Variants in UBR3 observed in about 807,000 individuals in gnomAD.
UBR3 encodes the protein ubiquitin protein ligase E3 component n-recognin 3, also known as E3 ubiquitin-protein ligase UBR3.
UBR3 carries 85 observed loss-of-function variants against 243.2 expected under a neutral mutation model. That is an observed-to-expected ratio of 0.35 (90% CI 0.29 to 0.42). UBR3 has a LOEUF of 0.42. UBR3 is among the 10% of genes least tolerant of loss of function. UBR3 has a pLI of 1.00. For synonymous variants in UBR3, 748 were observed against 799.8 expected (o/e 0.94, Z 1.09); for missense variants, 1,686 against 2,300.8 (o/e 0.73, Z 5.47).
At chr2:169,838,052 C>T (rs1432029388) in intron 1 of UBR3, among the ~76,000 whole-genome samples, 1 of 152,142 alleles carries the variant, frequency 6.6e-6, no homozygotes, top group African/African-American at 2.4e-5. Context: ...GGGTTTTTGG[C>T]TGTTCTTGGT....
At chr2:170,035,912 G>GCA (rs556755707) in intron 31 of UBR3, among the ~76,000 whole-genome samples, 7,202 of 137,026 alleles carry the variant, frequency 0.053, 404 homozygotes, top group Non-Finnish European at 0.079. Flanking sequence ...TATTTTATTG[G>GCA]GGGGGGGGTT....
intron 19 of UBR3, among the ~76,000 whole-genome samples, chr2:169,935,815 T>G (rs2086305460): frequency 6.6e-6 from 1 of 152,224 alleles, no homozygotes; most frequent in Non-Finnish European, 1.5e-5. Context: ...AATGATGTAT[T>G]ACTTGGGCCT....
chr2:169,989,462 A>G (rs1461996634), intron 25 of UBR3, among the ~76,000 whole-genome samples: 2 of 152,176 alleles, frequency 1.3e-5, no homozygotes, highest in Non-Finnish European at 2.9e-5. Flanking sequence ...TGTGATGTTT[A>G]ACATATTCCT....
chr2:169,887,259 T>A (rs1225648369), intron 5 of UBR3, among the ~76,000 whole-genome samples: 1 of 152,216 alleles, frequency 6.6e-6, no homozygotes, highest in Non-Finnish European at 1.5e-5. Flanking sequence ...GCTCAGGGTC[T>A]ATTTAAGGTC....
In UBR3 at chr2:169,887,046, T is replaced by C. The variant is rs115910185; in HGVS notation, c.1039-4119T>C. On this transcript the variant is annotated intron_variant, in intron 5 of 38. Transcript: ENST00000272793. ...AGCTCACATTTATGAAAAAATGTGA[T>C]GAAAACTGTCTAGAAAATCCATCAA... 9.6e-3 allele frequency among the ~76,000 whole-genome samples: 1,461 copies of C among 152,316 alleles called. 25 individuals are homozygous for C. The highest frequency in any genetic ancestry group is 0.032 in the African/African-American group (1,346 of 41,562).
At chr2:169,905,465 G>A (rs1037392970) in intron 9 of UBR3, among the ~76,000 whole-genome samples, 172 bp downstream of exon 9, 1 of 152,146 alleles carries the variant, frequency 6.6e-6, no homozygotes, top group African/African-American at 2.4e-5. Flanking sequence ...ACATACCAAG[G>A]AGTTAGGAAA....
chr2:170,031,430 C>T (rs929703943), intron 31 of UBR3, among the ~76,000 whole-genome samples: 3 of 152,000 alleles, frequency 2.0e-5, no homozygotes, highest in Admixed American at 6.6e-5. Context: ...CAGTTAAACA[C>T]GCCTTCCTCT....
At chr2:169,960,420 G>A (rs1003055409) in intron 24 of UBR3, among the ~76,000 whole-genome samples, 5 of 151,444 alleles carry the variant, frequency 3.3e-5, no homozygotes, top group South Asian at 2.1e-4. Context: ...GGTCCCAAGC[G>A]TTTCAGATAA....
intron 1 of UBR3, among the ~76,000 whole-genome samples, chr2:169,831,131 T>G (rs77741598): frequency 5.5e-5 from 2 of 36,644 alleles, no homozygotes; most frequent in African/African-American, 2.8e-4. Context: ...ATATATATTT[T>G]TTTTTTTTTT....
chr2:169,890,585 A>ATATATG (rs1553504600), intron 5 of UBR3, among the ~76,000 whole-genome samples: 2 of 107,530 alleles, frequency 1.9e-5, no homozygotes, highest in African/African-American at 7.2e-5. Flanking sequence ...ATATATGTAT[A>ATATATG]TATATATGTA....
In UBR3 at chr2:169,896,511, C is replaced by T; in HGVS notation, c.1241C>T (p.Ala414Val). The T allele has an allele frequency of 2.6e-6, 4 of 1,517,954 alleles. No individual in the cohort carries two copies. Among genetic ancestry groups the T allele is most frequent in the Non-Finnish European group, 3.5e-6 (4 of 1,128,260 alleles). The allele number at this position is 1,517,954 out of a possible 1,614,324, so 94.0% of individuals were successfully genotyped here. ...NMLPDQEYKV[A>V]FTKTFVQHYA... ...TTTCTATTAAAATGTTTACAGGTTG[C>T]TTTTACAAAAACTTTTGTTCAGCAT... is the stretch of plus-strand genomic sequence containing the variant. The change falls in exon 8 of 39, where the codon GCT becomes GTT. Residue 414 changes from alanine to valine, a missense_variant. Physicochemically the swap from Ala to Val is moderately conservative, Grantham distance 64. Around this residue, in one of 8 missense-constraint regions of UBR3, gnomAD observed 200 missense variants for 231.6 expected, o/e 0.86. Coordinates refer to ENST00000272793, the MANE Select transcript of UBR3 (RefSeq NM_172070.4).
intron 17 of UBR3, among the ~76,000 whole-genome samples, chr2:169,927,975 T>A (rs1025522181): frequency 4.6e-5 from 7 of 152,210 alleles, no homozygotes; most frequent in African/African-American, 1.7e-4. Flanking sequence ...ACACAAAGAT[T>A]ATCAAGTAAT....
intron 35 of UBR3, among the ~76,000 whole-genome samples, chr2:170,068,569 A>G (rs573519203): frequency 6.6e-5 from 10 of 152,352 alleles, no homozygotes; most frequent in African/African-American, 2.4e-4. Flanking sequence ...AGAGCAAATT[A>G]GACCTGAAGC....
At chr2:169,968,304 A>G (rs960111895) in intron 24 of UBR3, among the ~76,000 whole-genome samples, 1 of 152,160 alleles carries the variant, frequency 6.6e-6, no homozygotes, top group Non-Finnish European at 1.5e-5. Flanking sequence ...TATTCCTTCT[A>G]TAACTGTATG....
intron 5 of UBR3, among the ~76,000 whole-genome samples, chr2:169,887,070 A>C (rs539152956): frequency 3.9e-5 from 6 of 152,120 alleles, no homozygotes; most frequent in African/African-American, 1.4e-4. Flanking sequence ...AAAATCCATC[A>C]AAAAAAAGAA....
intron 5 of UBR3, among the ~76,000 whole-genome samples, chr2:169,889,568 TGG>T (rs1307056272): frequency 1.3e-5 from 2 of 152,194 alleles, no homozygotes; most frequent in Non-Finnish European, 2.9e-5. Flanking sequence ...TATTTCTTTC[TGG>T]TGAATTTCTC....
At chr2:170,007,448 A>G (rs986360586) in intron 28 of UBR3, among the ~76,000 whole-genome samples, 1 of 152,140 alleles carries the variant, frequency 6.6e-6, no homozygotes, top group African/African-American at 2.4e-5. Flanking sequence ...GTTTAGATGG[A>G]GTTAGCCTCT....
intron 31 of UBR3, among the ~76,000 whole-genome samples, chr2:170,034,656 A>G (rs1322097280): frequency 6.6e-6 from 1 of 151,084 alleles, no homozygotes; most frequent in African/African-American, 2.4e-5. Flanking sequence ...GTTTTTGCGT[A>G]TATAAGTTTT....
At chr2:169,873,637 C>T (rs559142118) in intron 2 of UBR3, among the ~76,000 whole-genome samples, 3 of 152,234 alleles carry the variant, frequency 2.0e-5, no homozygotes, top group South Asian at 4.1e-4. Context: ...TACATCACTA[C>T]ACTCCAGTCT....
Sources: allele counts gnomAD v4.1 joint callset (sites outside exome capture counted in the v4.1 genomes callset), GRCh38; gene constraint gnomAD v4.1.1; regional missense constraint gnomAD v4.1.1; transcripts MANE v1.5; gene names NCBI Gene and HGNC (gene_info 2026-07-23, HGNC 2026-07-21).